EPB41L4A: variants seen among roughly 807,000 people sequenced by gnomAD.
EPB41L4A encodes erythrocyte membrane protein band 4.1 like 4A.
EPB41L4A carries 100 observed loss-of-function variants against 108.6 expected under a neutral mutation model. That is an observed-to-expected ratio of 0.92 (90% confidence interval 0.78 to 1.09). The LOEUF is 1.09. Among genes scored for constraint, EPB41L4A ranks in the 50% least tolerant of loss-of-function variants. The pLI is 0.00. For synonymous variants in EPB41L4A, 319 were observed against 289.0 expected, an observed-to-expected ratio of 1.10 and a Z score of -1.05; for missense variants, 1,030 against 842.7, an observed-to-expected ratio of 1.22 and a Z score of -2.75.
intron 1 of EPB41L4A, among the ~76,000 whole-genome samples, chr5:112,398,420 A>C (rs563454578): frequency 2.0e-5 from 3 of 151,840 alleles, no homozygotes; most frequent in African/African-American, 7.2e-5. Context: ...AGACAGTCTC[A>C]CTCTGTCGTC....
chr5:112,417,638 C>T (rs934217092), intron 1 of EPB41L4A, among the ~76,000 whole-genome samples: 63 of 152,188 alleles, frequency 4.1e-4, no homozygotes, highest in African/African-American at 1.4e-3. Context: ...AAAATGTACA[C>T]CCTCCCCGAA....
intron 1 of EPB41L4A, among the ~76,000 whole-genome samples, chr5:112,364,495 C>T (rs1454122610): frequency 2.0e-5 from 3 of 152,120 alleles, no homozygotes; most frequent in Admixed American, 6.5e-5. Flanking sequence ...TGATAGACAC[C>T]ATGACATGAG....
rs562705399 is a variant in EPB41L4A, at chr5:112,275,271, A to G, written c.335+55T>C. 9.4e-6 allele frequency: 14 copies of G among 1,489,010 alleles called. No individual in the cohort carries two copies. In the East Asian group the frequency reaches 3.3e-4, roughly 35 times the overall value. The allele number at this position is 1,489,010 out of a possible 1,614,324, so 92.2% of individuals were successfully genotyped here. ...CCCAATTTTAATTTGTTTTAAATAA[A>G]GCTTTTTGTATATGCAATGCATGTA... On this transcript the variant is annotated intron_variant, in intron 4 of 22. Coordinates refer to ENST00000261486, the MANE Select transcript of EPB41L4A (RefSeq NM_022140.5).
At chr5:112,151,412 TTTTA>T (rs1332753065) in intron 12 of EPB41L4A, among the ~76,000 whole-genome samples, 1 of 150,808 alleles carries the variant, frequency 6.6e-6, no homozygotes, top group Non-Finnish European at 1.5e-5. Flanking sequence ...ATTATTTTAT[TTTTA>T]TTTATTTTTG....
intron 1 of EPB41L4A, among the ~76,000 whole-genome samples, chr5:112,391,371 G>C (rs1760925572): frequency 6.6e-6 from 1 of 150,474 alleles, no homozygotes; most frequent in Non-Finnish European, 1.5e-5. Context: ...AAATAGTGCA[G>C]AGAAGACCTT....
At chr5:112,227,505 T>C (rs1391701105) in intron 12 of EPB41L4A, among the ~76,000 whole-genome samples, 1 of 152,156 alleles carries the variant, frequency 6.6e-6, no homozygotes, top group Non-Finnish European at 1.5e-5. Context: ...ATCTGACAGA[T>C]GAAGAAATCA....
intron 1 of EPB41L4A, among the ~76,000 whole-genome samples, chr5:112,388,103 T>A (rs977178823): frequency 2.0e-5 from 3 of 152,062 alleles, no homozygotes; most frequent in African/African-American, 7.2e-5. Context: ...AATTCACAGA[T>A]CATTAAATTA....
chr5:112,229,435 T>C (rs1748708341), intron 12 of EPB41L4A, among the ~76,000 whole-genome samples: 1 of 152,128 alleles, frequency 6.6e-6, no homozygotes, highest in Admixed American at 6.5e-5. Flanking sequence ...TTCAATAGTT[T>C]TAGGGGAACA....
chr5:112,226,600 GTT>G (rs1748471342), intron 12 of EPB41L4A, among the ~76,000 whole-genome samples: 1 of 152,068 alleles, frequency 6.6e-6, no homozygotes, highest in Admixed American at 6.6e-5. Flanking sequence ...TAAGAAGTTT[GTT>G]CTTTCCAATT....
At chr5:112,206,700 TTAAAGAATAA>T (rs1342067350) in intron 13 of EPB41L4A, among the ~76,000 whole-genome samples, 1 of 151,954 alleles carries the variant, frequency 6.6e-6, no homozygotes, top group African/African-American at 2.4e-5. Flanking sequence ...TATACAAAAG[TTAAAGAATAA>T]TAAAATCCTG....
At chr5:112,351,894 A>G (rs933723187) in intron 1 of EPB41L4A, among the ~76,000 whole-genome samples, 1 of 152,344 alleles carries the variant, frequency 6.6e-6, no homozygotes, top group East Asian at 1.9e-4. Flanking sequence ...GAAAGAAAAG[A>G]ACCATAAGAT....
chr5:112,254,970 G>A (rs1313684344), intron 9 of EPB41L4A, among the ~76,000 whole-genome samples: 1 of 151,974 alleles, frequency 6.6e-6, no homozygotes, highest in Non-Finnish European at 1.5e-5. Context: ...TGTAGCCCTC[G>A]AGGGATGGCT....
At chr5:112,207,561 T>A (rs1264336394) in intron 13 of EPB41L4A, among the ~76,000 whole-genome samples, 1 of 152,108 alleles carries the variant, frequency 6.6e-6, no homozygotes, top group Non-Finnish European at 1.5e-5. Flanking sequence ...TATAAGGAAC[T>A]TCAACAATTC....
intron 12 of EPB41L4A, among the ~76,000 whole-genome samples, chr5:112,214,372 T>G (rs1370354477): frequency 6.6e-6 from 1 of 152,224 alleles, no homozygotes; most frequent in Non-Finnish European, 1.5e-5. Context: ...CACTGCTTTT[T>G]CATTTAAATA....
chr5:112,201,444 T>G (rs944107281), intron 15 of EPB41L4A, among the ~76,000 whole-genome samples: 8 of 152,340 alleles, frequency 5.3e-5, no homozygotes, highest in Non-Finnish European at 1.0e-4. Flanking sequence ...GCAAACTATT[T>G]CAAGCAATTA....
At chr5:112,313,942 C>T (rs1024192485) in intron 1 of EPB41L4A, among the ~76,000 whole-genome samples, 2 of 144,968 alleles carry the variant, frequency 1.4e-5, no homozygotes, top group South Asian at 4.4e-4. Context: ...CCGCTCACTG[C>T]AAGCTCCGCC....
Position 112,314,505 on chromosome 5 carries a change from TAAAAAAAAAAAAA to T in EPB41L4A, c.100-7028_100-7016del, listed in dbSNP as rs552428109. Among the ~76,000 whole-genome samples the T allele has an allele frequency of 9.9e-3, 545 of 55,212 alleles. 6 individuals are homozygous for T. Among genetic ancestry groups the T allele is most frequent in the South Asian group, 0.023 (20 of 868 alleles). 36.2% of individuals were successfully genotyped at this position (55,212 alleles called of 152,430 possible). A position where few individuals can be genotyped will look rare whatever the true frequency, so the allele number is the denominator to read the frequency against. On this transcript the variant is annotated intron_variant, in intron 1 of 22. Transcript: ENST00000261486. ...CAACAATGTGAAACCCCATCGCTACTAAAAAAAAAAAAAAAAAAAAAAAAAAAAAAAAAGAAAA... is the reference window on the plus strand; with the variant it reads ...CAACAATGTGAAACCCCATCGCTACTAAAAAAAAAAAAAAAAAAAAGAAAA...
chr5:112,415,368 G>A (rs899525586), intron 1 of EPB41L4A, among the ~76,000 whole-genome samples: 1 of 152,066 alleles, frequency 6.6e-6, no homozygotes, highest in Non-Finnish European at 1.5e-5. Flanking sequence ...TCATCTTACT[G>A]CCATATTGGT....
Position 112,178,092 on chromosome 5 carries a change from C to T in EPB41L4A, c.1622+5924G>A, listed in dbSNP as rs574879998. 2.0e-5 allele frequency among the ~76,000 whole-genome samples: 3 copies of T among 149,288 alleles called. No individual in the cohort carries two copies. In the East Asian group the frequency reaches 5.9e-4, roughly 29 times the overall value. On this transcript the variant is annotated intron_variant, in intron 18 of 22. Coordinates refer to ENST00000261486, the MANE Select transcript of EPB41L4A (RefSeq NM_022140.5). ...CTGTACACTGTTTACAAGAGGTGGA[C>T]TTTAAATATAAAGACATAACTAGGC... is the stretch of plus-strand genomic sequence containing the variant.
Sources: allele counts gnomAD v4.1 joint callset (sites outside exome capture counted in the v4.1 genomes callset), GRCh38; gene constraint gnomAD v4.1.1; transcripts MANE v1.5; gene names NCBI Gene and HGNC (gene_info 2026-07-23, HGNC 2026-07-21).